Variants in PRDM5 observed in about 807,000 individuals in gnomAD.
PRDM5 encodes PR domain zinc finger protein 5.
In PRDM5, 56 loss-of-function variants were observed where a neutral mutation model predicts 81.2. The observed-to-expected ratio is 0.69, with a 90% CI of 0.56 to 0.86. The LOEUF is 0.86. PRDM5 is among the 40% of genes least tolerant of loss of function. The pLI is 0.00. For missense variants in PRDM5, 697 were observed against 770.1 expected (o/e 0.91, Z 1.12); for synonymous variants, 267 against 256.4 (o/e 1.04, Z -0.39).
At chr4:120,750,130 T>C (rs754640580) in intron 14 of PRDM5, among the ~76,000 whole-genome samples, 3 of 152,224 alleles carry the variant, frequency 2.0e-5, no homozygotes, top group Non-Finnish European at 4.4e-5. Flanking sequence ...TTGGATTTAA[T>C]TAAAATTTAA....
chr4:120,819,743 G>T (rs546036875), intron 4 of PRDM5, among the ~76,000 whole-genome samples: 1 of 151,598 alleles, frequency 6.6e-6, no homozygotes, highest in Non-Finnish European at 1.5e-5. Context: ...GGGACAACAG[G>T]GAAAAAATAA....
intron 1 of PRDM5, among the ~76,000 whole-genome samples, chr4:120,920,074 G>A (rs764346955): frequency 3.3e-5 from 5 of 152,108 alleles, no homozygotes; most frequent in Non-Finnish European, 2.9e-5. Flanking sequence ...ACCACTCTAG[G>A]AAGCACTGCA....
intron 2 of PRDM5, among the ~76,000 whole-genome samples, chr4:120,857,546 T>C (rs1760025606): frequency 6.6e-6 from 1 of 152,188 alleles, no homozygotes; most frequent in Non-Finnish European, 1.5e-5. Context: ...TTTTCAAGTA[T>C]CTGAGAGAAA....
intron 15 of PRDM5, among the ~76,000 whole-genome samples, chr4:120,700,395 T>G (rs181901135): frequency 6.6e-6 from 1 of 152,198 alleles, no homozygotes; most frequent in Admixed American, 6.6e-5. Flanking sequence ...GACAGAAGTC[T>G]TGGGAAATAA....
chr4:120,717,651 C>G (rs983659688), intron 14 of PRDM5, among the ~76,000 whole-genome samples: 1 of 152,088 alleles, frequency 6.6e-6, no homozygotes, highest in Non-Finnish European at 1.5e-5. Context: ...GCTAAGAATT[C>G]CTGACTAAAA....
intron 14 of PRDM5, among the ~76,000 whole-genome samples, chr4:120,736,596 A>C (rs1481884111): frequency 6.6e-6 from 1 of 152,194 alleles, no homozygotes; most frequent in Non-Finnish European, 1.5e-5. Flanking sequence ...CCCTCTGTGC[A>C]TCCCAGACGC....
chr4:120,875,854 G>A (rs1762285178), intron 2 of PRDM5, among the ~76,000 whole-genome samples: 1 of 152,146 alleles, frequency 6.6e-6, no homozygotes, highest in Non-Finnish European at 1.5e-5. Flanking sequence ...CCATGTTGGA[G>A]TGGGTAAGTA....
intron 2 of PRDM5, among the ~76,000 whole-genome samples, chr4:120,898,532 C>T (rs1203553116): frequency 6.6e-6 from 1 of 152,116 alleles, no homozygotes; most frequent in Non-Finnish European, 1.5e-5. Flanking sequence ...ACCACTTCCC[C>T]AAGAGAAAAG....
chr4:120,807,656 C>T (rs1368356752), intron 8 of PRDM5, among the ~76,000 whole-genome samples: 1 of 152,218 alleles, frequency 6.6e-6, no homozygotes, highest in African/African-American at 2.4e-5. Context: ...AATGAAGCCG[C>T]AGACCCTCAC....
At chr4:120,758,818 C>T (rs557317463) in intron 13 of PRDM5, among the ~76,000 whole-genome samples, 8 of 151,434 alleles carry the variant, frequency 5.3e-5, no homozygotes, top group South Asian at 4.2e-4. Context: ...TGCAGTGGCG[C>T]GATCTCGACT....
In PRDM5 at chr4:120,821,270, T is replaced by A; in HGVS notation, c.376A>T (p.Ser126Cys). The A allele has an allele frequency of 6.2e-7, 1 of 1,613,996 alleles. No homozygotes were observed. Residue 126 changes from serine (S) to cysteine (C), a missense_variant, in exon 4 of 16, where the codon AGT becomes TGT. Physicochemically the swap from Ser to Cys is moderately radical, Grantham distance 112. Coordinates refer to ENST00000264808, the MANE Select transcript of PRDM5 (RefSeq NM_018699.4). ...DTELLIGYLD[S>C]DMEAEEEEQQ... ...TCTTCCTCCTCAGCCTCCATGTCAC[T>A]ATCCAGGTAGCCAATCAGAAGCTCC...
At chr4:120,698,865 C>G (rs918895222) in intron 15 of PRDM5, among the ~76,000 whole-genome samples, 1 of 152,050 alleles carries the variant, frequency 6.6e-6, no homozygotes, top group African/African-American at 2.4e-5. Context: ...TCTCCACTGC[C>G]ACCACCTTAG....
intron 3 of PRDM5, among the ~76,000 whole-genome samples, chr4:120,853,131 T>G (rs530128097): frequency 1.3e-5 from 2 of 152,262 alleles, no homozygotes; most frequent in African/African-American, 4.8e-5. Flanking sequence ...CAATGAATAT[T>G]CACTGAATGA....
intron 3 of PRDM5, among the ~76,000 whole-genome samples, chr4:120,850,431 G>C (rs1318623530): frequency 2.0e-5 from 3 of 152,082 alleles, no homozygotes; most frequent in Admixed American, 6.6e-5. Flanking sequence ...CTTTAGCTCA[G>C]ATGTGATTTT....
At chr4:120,875,285 C>G (rs867019889) in intron 2 of PRDM5, among the ~76,000 whole-genome samples, 26 of 152,324 alleles carry the variant, frequency 1.7e-4, no homozygotes, top group African/African-American at 5.8e-4. Context: ...AAAACAATTT[C>G]AACTTGAGTG....
chr4:120,782,449 G>T (rs1444924461), intron 11 of PRDM5, among the ~76,000 whole-genome samples: 1 of 151,900 alleles, frequency 6.6e-6, no homozygotes, highest in Non-Finnish European at 1.5e-5. Flanking sequence ...AAGGAAGAAA[G>T]GAAGGAAGGG....
At chr4:120,736,544 A>G (rs947133344) in intron 14 of PRDM5, among the ~76,000 whole-genome samples, 9 of 152,134 alleles carry the variant, frequency 5.9e-5, no homozygotes, top group African/African-American at 1.9e-4. Flanking sequence ...GTAAAGCCCA[A>G]ACATGTTTAT....
intron 2 of PRDM5, among the ~76,000 whole-genome samples, chr4:120,893,187 T>G (rs1454556535): frequency 6.6e-6 from 1 of 152,184 alleles, no homozygotes; most frequent in African/African-American, 2.4e-5. Context: ...CCGTTTCCAG[T>G]CTTGCAGAGG....
At chr4:120,750,109 AT>A (rs1743755421) in intron 14 of PRDM5, among the ~76,000 whole-genome samples, 1 of 152,222 alleles carries the variant, frequency 6.6e-6, no homozygotes, top group Non-Finnish European at 1.5e-5. Flanking sequence ...TAAATTTTTA[AT>A]TGCATTTAAT....
Sources: allele counts gnomAD v4.1 joint callset (sites outside exome capture counted in the v4.1 genomes callset), GRCh38; gene constraint gnomAD v4.1.1; transcripts MANE v1.5; gene names NCBI Gene and HGNC (gene_info 2026-07-23, HGNC 2026-07-21).